CDH1: variants seen among roughly 807,000 people sequenced by gnomAD.
CDH1 encodes the protein cadherin 1, also known as cadherin-1.
In CDH1, 35 loss-of-function variants were observed where a neutral mutation model predicts 84.5. The observed-to-expected ratio is 0.41, with a 90% CI of 0.32 to 0.55. CDH1 has a LOEUF of 0.55. Ranked by LOEUF, CDH1 falls within the 20% of genes least tolerant of loss-of-function variation. CDH1 has a pLI of 0.19. For synonymous variants in CDH1, 417 were observed against 439.0 expected (o/e 0.95, Z 0.63); for missense variants, 994 against 1,126.6 (o/e 0.88, Z 1.68).
intron 2 of CDH1, among the ~76,000 whole-genome samples, chr16:68,787,514 T>C (rs1960086983): frequency 6.6e-6 from 1 of 152,150 alleles, no homozygotes; most frequent in African/African-American, 2.4e-5. Context: ...GTTGATTTTT[T>C]TTTTTTTTAA....
chr16:68,793,075 C>T (rs2152123978), intron 2 of CDH1, among the ~76,000 whole-genome samples: 1 of 152,354 alleles, frequency 6.6e-6, no homozygotes, highest in Non-Finnish European at 1.5e-5. Flanking sequence ...GGTGCAGGAG[C>T]CGCAGCTGCC....
intron 10 of CDH1, 49 bp from the exon 11 acceptor site, chr16:68,819,231 A>G (rs756057417): frequency 9.9e-6 from 16 of 1,610,204 alleles, no homozygotes; most frequent in Non-Finnish European, 1.4e-5. Context: ...TTTCAGCTAC[A>G]TGTTGTTTGC....
At chr16:68,780,008 G>T (rs974330378) in intron 2 of CDH1, among the ~76,000 whole-genome samples, 2 of 152,174 alleles carry the variant, frequency 1.3e-5, no homozygotes, top group Admixed American at 1.3e-4. Flanking sequence ...CTACAATGAG[G>T]CTCCAGCTAC....
intron 2 of CDH1, among the ~76,000 whole-genome samples, chr16:68,744,875 C>G (rs1321145141): frequency 3.9e-5 from 6 of 152,120 alleles, no homozygotes; most frequent in Admixed American, 2.0e-4. Flanking sequence ...TTCAAAAGAT[C>G]CCCTGCGCTC....
intron 11 of CDH1, among the ~76,000 whole-genome samples, chr16:68,820,814 C>A (rs539127939): frequency 6.6e-6 from 1 of 152,158 alleles, no homozygotes; most frequent in East Asian, 1.9e-4. Flanking sequence ...CACCTGTAAT[C>A]CCAACACTTT....
intron 2 of CDH1, among the ~76,000 whole-genome samples, chr16:68,782,203 G>A (rs1959904430): frequency 1.3e-5 from 2 of 152,154 alleles, no homozygotes; most frequent in Non-Finnish European, 1.5e-5. Context: ...TCCTGAGGGC[G>A]TGGACGGGGG....
At chr16:68,821,876 G>A in intron 11 of CDH1, 125 bp from the exon 12 acceptor site, 1 of 764,960 alleles carries the variant, frequency 1.3e-6, no homozygotes, top group Non-Finnish European at 2.3e-6. Context: ...GGTTCTGCGG[G>A]TGGAGTGGGG....
At chr16:68,744,451 T>A (rs1962670881) in intron 2 of CDH1, among the ~76,000 whole-genome samples, 1 of 152,154 alleles carries the variant, frequency 6.6e-6, no homozygotes, top group South Asian at 2.1e-4. Context: ...CCTTTCTTTC[T>A]CTCTTCCTCT....
rs1047878465 is a variant in CDH1 at position 68,808,441 on chromosome 16, C to G, written c.405C>G (p.Ile135Met). The G allele has an allele frequency of 1.2e-6, 2 of 1,614,032 alleles. No individual in the cohort carries two copies. Among genetic ancestry groups the G allele is most frequent in the African/African-American group, 2.7e-5 (2 of 74,912 alleles). Residue 135 changes from isoleucine to methionine, a missense_variant, in exon 4 of 16, where the codon ATC becomes ATG. Coordinates refer to ENST00000261769, the MANE Select transcript of CDH1 (RefSeq NM_004360.5). ...CCTTTTAGGCCTCCGTTTCTGGAAT[C>G]CAAGCAGAATTGCTCACATTTCCCA... The part of the protein sequence containing the change: ...PPPHQASVSG[I>M]QAELLTFPNS...
At chr16:68,745,533 CAAAA>C (rs67825283) in intron 2 of CDH1, among the ~76,000 whole-genome samples, 35 of 40,386 alleles carry the variant, frequency 8.7e-4, no homozygotes, top group Admixed American at 1.3e-3. Flanking sequence ...GATCCTGTCT[CAAAA>C]AAAAAAAAAA....
In CDH1 at chr16:68,822,061, A is replaced by G. The variant is rs1555516835; in HGVS notation, c.1772A>G (p.Asn591Ser). 2 of 1,614,138 alleles carry G rather than the reference A, an allele frequency of 1.2e-6. No individual in the cohort carries two copies. Among genetic ancestry groups the G allele is most frequent in the Non-Finnish European group, 1.7e-6 (2 of 1,180,030 alleles). Residue 591 changes from asparagine (N) to serine (S), a missense_variant, in exon 12 of 16, where the codon AAC (asparagine) becomes AGC (serine). Transcript: ENST00000261769. ...LLLILSDVND[N>S]APIPEPRTIF... ...CTGATCCTGTCTGATGTGAATGACAACGCCCCCATACCAGAACCTCGAACT... is the reference window on the plus strand; with the variant it reads ...CTGATCCTGTCTGATGTGAATGACAGCGCCCCCATACCAGAACCTCGAACT...
chr16:68,757,179 C>T (rs1963037534), intron 2 of CDH1, among the ~76,000 whole-genome samples: 2 of 152,104 alleles, frequency 1.3e-5, no homozygotes, highest in Non-Finnish European at 2.9e-5. Flanking sequence ...ACCTCCACCT[C>T]CCAGGTTCAA....
At chr16:68,818,558 C>T (rs1437228027) in intron 10 of CDH1, among the ~76,000 whole-genome samples, 2 of 136,848 alleles carry the variant, frequency 1.5e-5, no homozygotes, top group African/African-American at 5.5e-5. Context: ...TTTTTAAAGA[C>T]GGAGTTTCGG....
In CDH1 at chr16:68,822,198, A is replaced by G; in HGVS notation, c.1909A>G (p.Asn637Asp). 1 of 1,614,072 alleles carries G rather than the reference A, an allele frequency of 6.2e-7. No individual in the cohort carries two copies. The change falls in exon 12 of 16, where the codon AAC (asparagine) becomes GAC (aspartate). Residue 637 changes from asparagine to aspartate, a missense_variant. Asn to Asp is a conservative substitution (Grantham distance 23). Around this residue, in one of 3 missense-constraint regions of CDH1, gnomAD observed 769 missense variants for 881.8 expected, o/e 0.87. Transcript: ENST00000261769. Reference sequence around the variant, plus strand: ...AGAACTAACACACGGGGCGAGTGCCAACTGGACCATTCAGTACAACGACCC... The same window carrying G: ...AGAACTAACACACGGGGCGAGTGCCGACTGGACCATTCAGTACAACGACCC... Reference protein sequence around the residue: ...TAELTHGASANWTIQYNDPTQ... With the variant: ...TAELTHGASADWTIQYNDPTQ...
At chr16:68,820,096 G>A (rs36113434) in intron 11 of CDH1, among the ~76,000 whole-genome samples, 2 of 152,092 alleles carry the variant, frequency 1.3e-5, no homozygotes, top group East Asian at 3.9e-4. Context: ...CTACTCAGAA[G>A]GCTGAAGTGG....
intron 2 of CDH1, among the ~76,000 whole-genome samples, chr16:68,782,357 G>A (rs7186084): frequency 5.9e-5 from 9 of 152,050 alleles, no homozygotes; most frequent in Non-Finnish European, 1.2e-4. Flanking sequence ...CAGAAGTTTC[G>A]AGTTCTGCAA....
chr16:68,775,613 A>G (rs533715251), intron 2 of CDH1, among the ~76,000 whole-genome samples: 8 of 152,316 alleles, frequency 5.3e-5, no homozygotes, highest in African/African-American at 1.9e-4. Context: ...TGTAAGCTAT[A>G]TGCATGCACA....
intron 13 of CDH1, among the ~76,000 whole-genome samples, chr16:68,826,154 A>AT (rs200634216): frequency 1.2e-4 from 18 of 148,384 alleles, no homozygotes; most frequent in Admixed American, 2.0e-4. Flanking sequence ...TACTTGAAAT[A>AT]TTTTTTTTTT....
At chr16:68,744,410 TTCTCTC>T (rs1324334829) in intron 2 of CDH1, among the ~76,000 whole-genome samples, 1 of 152,190 alleles carries the variant, frequency 6.6e-6, no homozygotes, top group Non-Finnish European at 1.5e-5. Context: ...TGCTCACTCT[TTCTCTC>T]TCTATCCCCA....
Sources: allele counts gnomAD v4.1 joint callset (sites outside exome capture counted in the v4.1 genomes callset), GRCh38; gene constraint gnomAD v4.1.1; regional missense constraint gnomAD v4.1.1; transcripts MANE v1.5; gene names NCBI Gene and HGNC (gene_info 2026-07-23, HGNC 2026-07-21).